DSTYK: variants seen among roughly 807,000 people sequenced by gnomAD.
DSTYK encodes RIP-homologous kinase.
DSTYK carries 34 observed loss-of-function variants against 98.7 expected under a neutral mutation model. The ratio of observed to expected loss-of-function variants is 0.34; its 90% CI spans 0.26 to 0.46. The LOEUF is 0.46. Ranked by LOEUF, DSTYK falls within the 20% of genes least tolerant of loss-of-function variation. The pLI, the probability that DSTYK is intolerant of heterozygous loss-of-function variation, is 1.00. For missense variants in DSTYK, 962 were observed against 1,181.7 expected, an observed-to-expected ratio of 0.81 and a Z score of 2.73; for synonymous variants, 462 against 457.3, an observed-to-expected ratio of 1.01 and a Z score of -0.13.
intron 2 of DSTYK, among the ~76,000 whole-genome samples, chr1:205,170,408 C>A (rs1423526146): frequency 6.6e-6 from 1 of 152,168 alleles, no homozygotes; most frequent in Non-Finnish European, 1.5e-5. Flanking sequence ...TATTTATAAT[C>A]CACTTCTTTA....
At chr1:205,201,299 A>T (rs1659029934) in intron 1 of DSTYK, among the ~76,000 whole-genome samples, 2 of 151,430 alleles carry the variant, frequency 1.3e-5, no homozygotes, top group Admixed American at 6.6e-5. Flanking sequence ...ATTCTCCATG[A>T]TGTGTTTATT....
intron 2 of DSTYK, among the ~76,000 whole-genome samples, chr1:205,179,343 G>C (rs982646149): frequency 6.6e-6 from 1 of 151,994 alleles, no homozygotes; most frequent in Non-Finnish European, 1.5e-5. Context: ...AGATGCGGCC[G>C]GGCGTGGTGG....
At chr1:205,183,814 T>C (rs1658489385) in intron 2 of DSTYK, among the ~76,000 whole-genome samples, 1 of 152,114 alleles carries the variant, frequency 6.6e-6, no homozygotes, top group Non-Finnish European at 1.5e-5. Context: ...TGGGCTGCAG[T>C]GAGAGGGCAG....
intron 9 of DSTYK, 110 bp downstream of exon 9, chr1:205,159,437 C>G (rs1468237835): frequency 1.5e-6 from 2 of 1,299,002 alleles, no homozygotes; most frequent in Admixed American, 2.8e-5. Context: ...ACCCTAATTA[C>G]TCCAACAATC....
At chr1:205,194,927 G>A (rs1386090863) in intron 1 of DSTYK, among the ~76,000 whole-genome samples, 15 of 152,040 alleles carry the variant, frequency 9.9e-5, no homozygotes, top group Admixed American at 8.5e-4. Context: ...CTACCTCCCA[G>A]GTTCAAGTGA....
chr1:205,169,962 G>A lies in DSTYK; in HGVS notation c.655-130C>T. On this transcript the variant is annotated intron_variant, in intron 2 of 12. Transcript: ENST00000367162. The surrounding 1 kb of genome is among the most constrained non-coding windows in gnomAD (Gnocchi z 4.0). Reference sequence around the variant, plus strand: ...ATTGGACTTCGGTACCCCAGCCATTGATCCACCTCCTTCCTCGGTTACCAA... The same window carrying A: ...ATTGGACTTCGGTACCCCAGCCATTAATCCACCTCCTTCCTCGGTTACCAA... 1.2e-6 allele frequency: 1 copy of A among 813,340 alleles called. No homozygotes were observed. The highest frequency in any genetic ancestry group is 1.9e-6 in the Non-Finnish European group (1 of 531,342). 50.4% of individuals were successfully genotyped at this position (813,340 alleles called of 1,614,324 possible).
intron 1 of DSTYK, among the ~76,000 whole-genome samples, chr1:205,206,583 C>CTT (rs761643455): frequency 3.6e-5 from 4 of 109,638 alleles, no homozygotes; most frequent in East Asian, 2.7e-4. Context: ...CTGGCCTGTT[C>CTT]TTTTTTTTTT....
At chr1:205,173,965 C>T (rs1658147520) in intron 2 of DSTYK, among the ~76,000 whole-genome samples, 1 of 152,098 alleles carries the variant, frequency 6.6e-6, no homozygotes, top group Non-Finnish European at 1.5e-5. Flanking sequence ...GGTGATCTGC[C>T]TGCCCCAGCC....
intron 4 of DSTYK, among the ~76,000 whole-genome samples, chr1:205,163,368 C>A: frequency 6.6e-6 from 1 of 151,918 alleles, no homozygotes; most frequent in East Asian, 1.9e-4. Flanking sequence ...TACAGGCATG[C>A]ACCACCACGC....
At chr1:205,202,836 A>G (rs1659082914) in intron 1 of DSTYK, 3 of 462,988 alleles carry the variant, frequency 6.5e-6, no homozygotes, top group Admixed American at 6.9e-5. Flanking sequence ...AGCAGAGCCT[A>G]TATTAACTGA....
At chr1:205,165,050 T>C (rs893641943) in intron 3 of DSTYK, among the ~76,000 whole-genome samples, 1 of 152,146 alleles carries the variant, frequency 6.6e-6, no homozygotes, top group African/African-American at 2.4e-5. Flanking sequence ...CCTAGCATAT[T>C]AATGAGAAAA....
intron 2 of DSTYK, 56 bp downstream of exon 2, chr1:205,187,362 T>A: frequency 6.6e-7 from 1 of 1,516,372 alleles, no homozygotes; most frequent in Non-Finnish European, 8.8e-7. Flanking sequence ...AAAGTCAAAA[T>A]AAAAGGAAAG....
In DSTYK at chr1:205,187,545, G is replaced by A. The variant is rs753846160; in HGVS notation, c.527C>T (p.Thr176Met). 1.5e-5 allele frequency: 24 copies of A among 1,614,060 alleles called. No homozygotes were observed. The highest frequency in any genetic ancestry group is 1.6e-4 in the Middle Eastern group (1 of 6,084). ...CCAGTTGCCCTGATGAGCAACCAGC[G>A]TGTGCACTAGTTCATACTGTCCAGG... ...ALPGQYELVHTLVAHQGNWET... is the reference protein window; with the variant it reads ...ALPGQYELVHMLVAHQGNWET... The change falls in exon 2 of 13, where the codon ACG becomes ATG. Residue 176 changes from threonine (T) to methionine (M), a missense_variant. By Grantham distance (81) the Thr-to-Met change is moderately conservative. Around this residue, in one of 4 missense-constraint regions of DSTYK, gnomAD observed 660 missense variants for 855.0 expected, o/e 0.77. Coordinates refer to ENST00000367162, the MANE Select transcript of DSTYK (RefSeq NM_015375.3).
intron 10 of DSTYK, among the ~76,000 whole-genome samples, chr1:205,156,571 T>C (rs979721936): frequency 6.6e-6 from 1 of 152,186 alleles, no homozygotes; most frequent in Admixed American, 6.6e-5. Context: ...AATGGGTGTA[T>C]TTACCCAATG....
intron 1 of DSTYK, among the ~76,000 whole-genome samples, chr1:205,208,556 T>C (rs77739136): frequency 1.3e-5 from 2 of 152,316 alleles, no homozygotes; most frequent in East Asian, 1.9e-4. Context: ...CAAGTTCCTA[T>C]TAATCAGAGA....
intron 1 of DSTYK, among the ~76,000 whole-genome samples, chr1:205,206,221 T>A (rs1234711260): frequency 6.6e-6 from 1 of 152,206 alleles, no homozygotes; most frequent in East Asian, 1.9e-4. Context: ...AGGTATTTAT[T>A]GAATAATAGC....
Position 205,169,044 on chromosome 1 carries a change from G to T in DSTYK, c.1324+119C>A. ...GTGGGCTCCTGCTGGTAACAGTGGG[G>T]TGGATGAAGTTACCCTGAGATTCCT... is the stretch of plus-strand genomic sequence containing the variant. On this transcript the variant is annotated intron_variant, in intron 3 of 12. Transcript: ENST00000367162. The surrounding 1 kb of genome is among the most constrained non-coding windows in gnomAD (Gnocchi z 4.0). 1.2e-6 allele frequency: 1 copy of T among 854,588 alleles called. No homozygotes were observed. Among genetic ancestry groups the T allele is most frequent in the Non-Finnish European group, 1.8e-6 (1 of 547,980 alleles). 52.9% of individuals were successfully genotyped at this position (854,588 alleles called of 1,614,324 possible). A position where few individuals can be genotyped will look rare whatever the true frequency, so the allele number is the denominator to read the frequency against.
At position 205,169,067 on chromosome 1, in the gene DSTYK, C is replaced by A. The variant is rs1452944477; in HGVS notation, c.1324+96G>T. Reference sequence around the variant, plus strand: ...GGGTGGATGAAGTTACCCTGAGATTCCTTTAACCTTAGGAATTAACGTTCT... The same window carrying A: ...GGGTGGATGAAGTTACCCTGAGATTACTTTAACCTTAGGAATTAACGTTCT... On this transcript the variant is annotated intron_variant, in intron 3 of 12. Coordinates refer to ENST00000367162, the MANE Select transcript of DSTYK (RefSeq NM_015375.3). This position sits in a 1 kb window ranked among gnomAD's most constrained non-coding sequence, Gnocchi z 4.0. 1 of 1,125,348 alleles carries A rather than the reference C, an allele frequency of 8.9e-7. No individual in the cohort carries two copies. Among genetic ancestry groups the A allele is most frequent in the African/African-American group, 1.6e-5 (1 of 64,124 alleles). The allele number at this position is 1,125,348 out of a possible 1,614,324, so 69.7% of individuals were successfully genotyped here. A position where few individuals can be genotyped will look rare whatever the true frequency, so the allele number is the denominator to read the frequency against.
intron 1 of DSTYK, among the ~76,000 whole-genome samples, chr1:205,198,401 G>A (rs1658930600): frequency 6.6e-6 from 1 of 152,138 alleles, no homozygotes; most frequent in Non-Finnish European, 1.5e-5. Context: ...AGAACCAGAA[G>A]AGCATGTCAG....
Sources: allele counts gnomAD v4.1 joint callset (sites outside exome capture counted in the v4.1 genomes callset), GRCh38; gene constraint gnomAD v4.1.1; regional missense constraint gnomAD v4.1.1; non-coding constraint Gnocchi (gnomAD v3.1); transcripts MANE v1.5; gene names NCBI Gene and HGNC (gene_info 2026-07-23, HGNC 2026-07-21).